LARGE1: variants seen among roughly 807,000 people sequenced by gnomAD.
LARGE1 encodes LARGE xylosyl- and glucuronyltransferase 1, also known as xylosyl- and glucuronyltransferase LARGE1.
A neutral mutation model predicts 87.6 loss-of-function variants in LARGE1; 43 were observed. The ratio of observed to expected loss-of-function variants is 0.49; its 90% CI spans 0.38 to 0.63. LARGE1 has a LOEUF of 0.63. Ranked by LOEUF, LARGE1 falls within the 30% of genes least tolerant of loss-of-function variation. The pLI, the probability that LARGE1 is intolerant of heterozygous loss-of-function variation, is 0.00. For missense variants in LARGE1, 802 were observed against 1,000.2 expected (o/e 0.80, Z 2.67); for synonymous variants, 434 against 394.6 (o/e 1.10, Z -1.18).
At chr22:33,403,113 G>A (rs1017846454) in intron 7 of LARGE1, among the ~76,000 whole-genome samples, 7 of 152,140 alleles carry the variant, frequency 4.6e-5, no homozygotes, top group Non-Finnish European at 1.0e-4. Flanking sequence ...GCCTTTCAGA[G>A]CTGCAGTTAT....
chr22:33,120,184 A>G, the LARGE1 span, among the ~76,000 whole-genome samples: 1 of 152,052 alleles, frequency 6.6e-6, no homozygotes, highest in Admixed American at 6.6e-5. Flanking sequence ...ATATATATGT[A>G]TATATACACT....
chr22:33,143,818 A>G, the LARGE1 span, among the ~76,000 whole-genome samples: 198 of 152,332 alleles, frequency 1.3e-3, 3 homozygotes, highest in African/African-American at 4.6e-3. Context: ...CATAAACAAG[A>G]GTATGAATAA....
the LARGE1 span, among the ~76,000 whole-genome samples, chr22:33,144,875 A>T: frequency 2.0e-5 from 3 of 152,160 alleles, no homozygotes; most frequent in East Asian, 5.8e-4. Flanking sequence ...TTTAAATATA[A>T]TTGCTAAACA....
chr22:33,286,316 T>C (rs1227408436), intron 12 of LARGE1, among the ~76,000 whole-genome samples: 2 of 152,204 alleles, frequency 1.3e-5, no homozygotes, highest in African/African-American at 4.8e-5. Context: ...CTATTTACCT[T>C]TCCCCCTGGA....
chr22:33,212,676 G>A (rs1018871520), intron 11 of LARGE1, among the ~76,000 whole-genome samples: 4 of 152,174 alleles, frequency 2.6e-5, no homozygotes, highest in Non-Finnish European at 5.9e-5. Context: ...TCTGGGCAAA[G>A]TAAATTGAAA....
chr22:33,362,131 C>T (rs1377163648), intron 9 of LARGE1, among the ~76,000 whole-genome samples: 1 of 149,210 alleles, frequency 6.7e-6, no homozygotes. Context: ...AAAAGATGCT[C>T]CCTTGGGCCC....
At chr22:33,338,265 C>A (rs1275143498) in intron 9 of LARGE1, among the ~76,000 whole-genome samples, 3 of 152,158 alleles carry the variant, frequency 2.0e-5, no homozygotes, top group Non-Finnish European at 4.4e-5. Flanking sequence ...TCCCTGTGGG[C>A]ATCACCCTAG....
At chr22:33,374,170 G>A (rs1312128036) in intron 9 of LARGE1, among the ~76,000 whole-genome samples, 2 of 151,936 alleles carry the variant, frequency 1.3e-5, no homozygotes, top group Non-Finnish European at 2.9e-5. Flanking sequence ...TTACATTCCT[G>A]TATAATATGG....
chr22:33,283,055 G>T, intron 13 of LARGE1, 147 bp downstream of exon 13: 1 of 986,060 alleles, frequency 1.0e-6, no homozygotes. Context: ...TTACAAGGAC[G>T]TTGTCTGGAG....
intron 1 of LARGE1, among the ~76,000 whole-genome samples, chr22:33,838,325 C>G (rs755610286): frequency 2.0e-4 from 30 of 152,288 alleles, no homozygotes; most frequent in Non-Finnish European, 3.5e-4. Flanking sequence ...CATACAGCCA[C>G]TAGGATCTCA....
chr22:33,814,758 A>G (rs2086601122), intron 1 of LARGE1, among the ~76,000 whole-genome samples: 1 of 152,030 alleles, frequency 6.6e-6, no homozygotes, highest in Non-Finnish European at 1.5e-5. Flanking sequence ...GTGTTTATAC[A>G]ACTACACCAT....
intron 1 of LARGE1, among the ~76,000 whole-genome samples, chr22:33,824,881 G>A (rs2062736375): frequency 6.6e-6 from 1 of 152,160 alleles, no homozygotes; most frequent in Non-Finnish European, 1.5e-5. Flanking sequence ...CTATTGTCCA[G>A]CAACATATTT....
rs139925751 is a variant in LARGE1 at position 33,405,360 on chromosome 22, T to C, written c.893-21056A>G. 4.6e-3 allele frequency among the ~76,000 whole-genome samples: 700 copies of C among 152,254 alleles called. 4 individuals carry two copies. Among genetic ancestry groups the C allele is most frequent in the African/African-American group, 0.016 (667 of 41,550 alleles). On this transcript the variant is annotated intron_variant, in intron 7 of 14. Transcript: ENST00000397394. ...AGAACAGGCCAAGCTGGAGCCCACA[T>C]CAGGGCTGCTACATTCTTGTTCTCT...
intron 10 of LARGE1, among the ~76,000 whole-genome samples, chr22:33,330,159 GCTCT>G (rs1358270603): frequency 6.6e-6 from 1 of 152,102 alleles, no homozygotes; most frequent in Non-Finnish European, 1.5e-5. Context: ...TTGGAAGGTG[GCTCT>G]CTGTCTTTGG....
chr22:33,748,077 C>G (rs902800111), intron 2 of LARGE1, among the ~76,000 whole-genome samples: 2 of 144,942 alleles, frequency 1.4e-5, no homozygotes, highest in Non-Finnish European at 3.0e-5. Context: ...ATCTAAGGCT[C>G]CACCCCAGAA....
chr22:33,867,163 C>A (rs1360696081), intron 1 of LARGE1, among the ~76,000 whole-genome samples: 4 of 152,108 alleles, frequency 2.6e-5, no homozygotes. Context: ...GAGTTAATTA[C>A]CCCACGGTGG....
At chr22:33,704,002 T>A (rs974406746) in intron 2 of LARGE1, among the ~76,000 whole-genome samples, 3 of 152,154 alleles carry the variant, frequency 2.0e-5, no homozygotes, top group Non-Finnish European at 2.9e-5. Flanking sequence ...CCAGCCTGAG[T>A]TTAAGTTTTA....
At chr22:33,075,283 C>A in the LARGE1 span, among the ~76,000 whole-genome samples, 6 of 151,958 alleles carry the variant, frequency 3.9e-5, no homozygotes, top group Admixed American at 3.9e-4. Context: ...ACTCCAAATA[C>A]CGTGGTCTTC....
At chr22:33,673,864 G>A (rs771074611) in intron 2 of LARGE1, among the ~76,000 whole-genome samples, 41 of 72,632 alleles carry the variant, frequency 5.6e-4, no homozygotes, top group Admixed American at 8.0e-4. Context: ...TGTTGTGGGT[G>A]TATTTTTAGT....
Sources: gnomAD v4.1 joint callset for allele counts (sites outside exome capture counted in the v4.1 genomes callset) on GRCh38, gnomAD v4.1.1 for gene constraint, MANE v1.5 for transcripts, NCBI Gene and HGNC (gene_info 2026-07-23, HGNC 2026-07-21) for gene names.